GALNT17: variants seen among roughly 807,000 people sequenced by gnomAD.
GALNT17 encodes UDP-GalNAc:polypeptide N-acetylgalactosaminyltransferase-like 3.
A neutral mutation model predicts 63.7 loss-of-function variants in GALNT17; 29 were observed. The observed-to-expected ratio is 0.46, with a 90% confidence interval of 0.34 to 0.62. GALNT17 has a LOEUF of 0.62. Among genes scored for constraint, GALNT17 ranks in the 20% least tolerant of loss-of-function variants. The pLI is 0.01. For synonymous variants in GALNT17, 305 were observed against 318.3 expected (o/e 0.96, Z 0.45); for missense variants, 603 against 799.6 (o/e 0.75, Z 2.97).
rs537903213 is a variant in GALNT17, at chr7:71,527,824, CAG to C, written c.963-43460_963-43459del. ...CACGCATATACACACCATACACACA[CAG>C]TACACACACACTGCGCTCTGTCATA... On this transcript the variant is annotated intron_variant, in intron 5 of 10. Coordinates refer to ENST00000333538, the MANE Select transcript of GALNT17 (RefSeq NM_022479.3). Among the ~76,000 whole-genome samples the C allele has an allele frequency of 1.5e-3, 230 of 152,174 alleles. 1 individual carries two copies. The highest frequency in any genetic ancestry group is 5.1e-3 in the African/African-American group (210 of 41,444).
intron 5 of GALNT17, among the ~76,000 whole-genome samples, chr7:71,474,036 T>C (rs1787684210): frequency 6.6e-6 from 1 of 152,078 alleles, no homozygotes; most frequent in Non-Finnish European, 1.5e-5. Context: ...CTAAACAAGG[T>C]GTGGATTACT....
intron 1 of GALNT17, among the ~76,000 whole-genome samples, chr7:71,189,974 CTAA>C (rs1403257456): frequency 6.6e-6 from 1 of 151,972 alleles, no homozygotes; most frequent in Non-Finnish European, 1.5e-5. Flanking sequence ...CCACGCCTGG[CTAA>C]TTTTTTTGTA....
intron 7 of GALNT17, 95 bp downstream of exon 7, chr7:71,665,691 A>G (rs1411940544): frequency 7.8e-6 from 11 of 1,418,404 alleles, no homozygotes; most frequent in Admixed American, 2.7e-5. Context: ...CTCCCCAGAA[A>G]ATGCTCATGC....
In GALNT17 at chr7:71,613,792, A is replaced by ATT. The variant is rs56216543; in HGVS notation, c.1080+42409_1080+42410dup. Among the ~76,000 whole-genome samples, 467 of 132,394 alleles carry ATT rather than the reference A, an allele frequency of 3.5e-3. 5 individuals carry two copies. Among genetic ancestry groups the ATT allele is most frequent in the South Asian group, 0.016 (66 of 4,030 alleles). 86.9% of individuals were successfully genotyped at this position (132,394 alleles called of 152,430 possible). ...AACATAGCGAGACCCCATCTCTATGATTTTTTTTTTTTTTTTTTTTAGTTA... is the reference window on the plus strand; with the variant it reads ...AACATAGCGAGACCCCATCTCTATGATTTTTTTTTTTTTTTTTTTTTTAGTTA... On this transcript the variant is annotated intron_variant, in intron 6 of 10. Transcript: ENST00000333538.
intron 5 of GALNT17, among the ~76,000 whole-genome samples, chr7:71,436,841 A>T (rs1222125640): frequency 3.3e-5 from 5 of 152,318 alleles, no homozygotes; most frequent in Non-Finnish European, 7.3e-5. Context: ...GACTGTCTGT[A>T]AGATGGTCTA....
chr7:71,522,120 G>A (rs142458976), intron 5 of GALNT17, among the ~76,000 whole-genome samples: 2 of 151,670 alleles, frequency 1.3e-5, no homozygotes, highest in Admixed American at 6.6e-5. Flanking sequence ...TGGAGCCTGC[G>A]GATCCACACT....
chr7:71,204,855 C>T (rs1325699241), intron 1 of GALNT17, among the ~76,000 whole-genome samples: 5 of 152,086 alleles, frequency 3.3e-5, no homozygotes, highest in Admixed American at 6.6e-5. Flanking sequence ...AAGCAATTCT[C>T]GTGCCTCAGC....
At chr7:71,676,094 C>T (rs1219950295) in intron 8 of GALNT17, among the ~76,000 whole-genome samples, 1 of 152,152 alleles carries the variant, frequency 6.6e-6, no homozygotes, top group East Asian at 1.9e-4. Flanking sequence ...GGACCAGCAA[C>T]ATGACCTTTT....
chr7:71,572,277 G>A (rs1789456212), intron 6 of GALNT17, among the ~76,000 whole-genome samples: 1 of 150,484 alleles, frequency 6.6e-6, no homozygotes, highest in Non-Finnish European at 1.5e-5. Flanking sequence ...CAAATCAGGG[G>A]GGTCACTTGA....
chr7:71,493,980 T>A (rs1788052705), intron 5 of GALNT17, among the ~76,000 whole-genome samples: 1 of 151,992 alleles, frequency 6.6e-6, no homozygotes, highest in Admixed American at 6.6e-5. Flanking sequence ...AGTTTTTTTT[T>A]AAGAGGCAGG....
intron 6 of GALNT17, among the ~76,000 whole-genome samples, chr7:71,660,384 G>A (rs1026277807): frequency 2.6e-5 from 4 of 152,184 alleles, no homozygotes; most frequent in African/African-American, 9.6e-5. Flanking sequence ...CACAGCCTGG[G>A]GCGCTTTCCA....
In GALNT17 at chr7:71,363,478, C is replaced by T. The variant is rs76747042; in HGVS notation, c.423-24757C>T. On this transcript the variant is annotated intron_variant, in intron 2 of 10. Transcript: ENST00000333538. ...CAGCCAATGCCAGCCGCCAGTTTGG[C>T]GGCTTTCTCTGGACAGCTCCATCAC... 4.1e-3 allele frequency among the ~76,000 whole-genome samples: 618 copies of T among 152,292 alleles called. 14 individuals carry two copies. In the East Asian group the frequency reaches 0.081, roughly 20 times the overall value.
At chr7:71,510,796 C>G (rs757969088) in intron 5 of GALNT17, among the ~76,000 whole-genome samples, 3 of 152,158 alleles carry the variant, frequency 2.0e-5, no homozygotes, top group Non-Finnish European at 4.4e-5. Flanking sequence ...TGATTGCATC[C>G]TCTTCCCAGG....
intron 5 of GALNT17, among the ~76,000 whole-genome samples, chr7:71,487,711 T>C (rs188960015): frequency 8.6e-4 from 131 of 152,176 alleles, no homozygotes; most frequent in African/African-American, 3.0e-3. Context: ...AGAATTATAG[T>C]AGTATTAAAA....
chr7:71,635,521 A>G (rs543327929), intron 6 of GALNT17, among the ~76,000 whole-genome samples: 12 of 152,168 alleles, frequency 7.9e-5, no homozygotes, highest in African/African-American at 2.9e-4. Context: ...TTATATTTGT[A>G]TGTATTTATG....
At chr7:71,223,668 G>A (rs955030486) in intron 1 of GALNT17, among the ~76,000 whole-genome samples, 2 of 152,006 alleles carry the variant, frequency 1.3e-5, no homozygotes, top group Non-Finnish European at 2.9e-5. Context: ...ATTAAGCCTG[G>A]TACCCAATAG....
intron 3 of GALNT17, among the ~76,000 whole-genome samples, chr7:71,413,599 C>A (rs1327937741): frequency 6.6e-6 from 1 of 151,698 alleles, no homozygotes; most frequent in Non-Finnish European, 1.5e-5. Flanking sequence ...GTCTCAAACT[C>A]CTGATCTCAG....
intron 5 of GALNT17, among the ~76,000 whole-genome samples, chr7:71,530,025 A>G (rs1034036843): frequency 1.3e-5 from 2 of 152,348 alleles, no homozygotes; most frequent in African/African-American, 2.4e-5. Flanking sequence ...AATGGGCTTT[A>G]TGATTAGAAA....
chr7:71,271,227 A>G (rs1362864370), intron 1 of GALNT17, among the ~76,000 whole-genome samples: 1 of 152,210 alleles, frequency 6.6e-6, no homozygotes, highest in African/African-American at 2.4e-5. Context: ...ACAATAGCCC[A>G]TAGTTAGGGC....
Sources: gnomAD v4.1 joint callset for allele counts (sites outside exome capture counted in the v4.1 genomes callset) on GRCh38, gnomAD v4.1.1 for gene constraint, MANE v1.5 for transcripts, NCBI Gene and HGNC (gene_info 2026-07-23, HGNC 2026-07-21) for gene names.